RANBP2: variants seen among roughly 807,000 people sequenced by gnomAD.
The protein encoded by RANBP2 is E3 SUMO-protein ligase RanBP2.
In RANBP2, 57 loss-of-function variants were observed where a neutral mutation model predicts 303.6. The ratio of observed to expected loss-of-function variants is 0.19; its 90% CI spans 0.15 to 0.23. RANBP2 has a LOEUF of 0.23. Ranked by LOEUF, RANBP2 falls within the 10% of genes least tolerant of loss-of-function variation. The pLI is 1.00. For synonymous variants in RANBP2, 1,167 were observed against 1,301.5 expected, an observed-to-expected ratio of 0.90 and a Z score of 2.23; for missense variants, 3,138 against 3,780.8, an observed-to-expected ratio of 0.83 and a Z score of 4.46.
the RANBP2 span, among the ~76,000 whole-genome samples, chr2:109,261,049 A>G: frequency 6.6e-6 from 1 of 152,188 alleles, no homozygotes; most frequent in Non-Finnish European, 1.5e-5. Context: ...GGAGGTCAGT[A>G]GCATGAGCAC....
At chr2:108,966,342 C>G in the RANBP2 span, among the ~76,000 whole-genome samples, 2 of 152,210 alleles carry the variant, frequency 1.3e-5, no homozygotes, top group African/African-American at 2.4e-5. Context: ...TTTAGATTTA[C>G]TATGCTGAGA....
the RANBP2 span, among the ~76,000 whole-genome samples, chr2:109,390,244 A>T: frequency 1.2e-4 from 19 of 152,106 alleles, no homozygotes; most frequent in Admixed American, 1.0e-3. Flanking sequence ...TTGCCCATAA[A>T]CTACCAGTTT....
chr2:109,456,518 T>G, the RANBP2 span, among the ~76,000 whole-genome samples: 1 of 152,220 alleles, frequency 6.6e-6, no homozygotes, highest in Non-Finnish European at 1.5e-5. Context: ...GCACAGGCCC[T>G]CAGTGGGGCA....
At chr2:108,839,134 C>T in the RANBP2 span, 1 of 1,521,014 alleles carries the variant, frequency 6.6e-7, no homozygotes, top group South Asian at 1.3e-5. Flanking sequence ...TGATTTAAGA[C>T]ATTTAAAAAT....
the RANBP2 span, among the ~76,000 whole-genome samples, chr2:109,180,215 C>T: frequency 6.6e-6 from 1 of 152,244 alleles, no homozygotes; most frequent in East Asian, 1.9e-4. Flanking sequence ...CACTGCCCTC[C>T]ACTGGTATTC....
At chr2:109,483,262 C>A in the RANBP2 span, among the ~76,000 whole-genome samples, 1 of 152,228 alleles carries the variant, frequency 6.6e-6, no homozygotes, top group Non-Finnish European at 1.5e-5. Context: ...TAACTTGCAA[C>A]CCGAGAGCCA....
At chr2:109,365,679 C>T in the RANBP2 span, among the ~76,000 whole-genome samples, 2 of 152,128 alleles carry the variant, frequency 1.3e-5, no homozygotes, top group Non-Finnish European at 2.9e-5. Flanking sequence ...AACTAAAAGC[C>T]ACAGACACTG....
the RANBP2 span, among the ~76,000 whole-genome samples, chr2:109,119,262 C>G: frequency 1.3e-5 from 2 of 152,192 alleles, no homozygotes; most frequent in South Asian, 4.1e-4. Flanking sequence ...GGCACATTCA[C>G]AATCCATATC....
intron 6 of RANBP2, 26 bp from the exon 7 acceptor site, chr2:108,740,463 A>G (rs771037874): frequency 6.3e-7 from 1 of 1,597,354 alleles, no homozygotes; most frequent in Non-Finnish European, 8.5e-7. Flanking sequence ...AGTGTGTATT[A>G]TCTGTTTGAT....
chr2:109,469,952 G>A, the RANBP2 span, among the ~76,000 whole-genome samples: 17 of 152,150 alleles, frequency 1.1e-4, no homozygotes, highest in African/African-American at 2.9e-4. Flanking sequence ...CAGGACATGC[G>A]AGCTATAAGA....
chr2:108,990,449 AAAAAAAAAAT>A, the RANBP2 span, among the ~76,000 whole-genome samples: 1 of 150,952 alleles, frequency 6.6e-6, no homozygotes, highest in South Asian at 2.1e-4. Flanking sequence ...AAAAAAAAAA[AAAAAAAAAAT>A]ATACAAAAAT....
chr2:108,921,474 C>T, the RANBP2 span, among the ~76,000 whole-genome samples: 2 of 152,222 alleles, frequency 1.3e-5, no homozygotes, highest in African/African-American at 2.4e-5. Flanking sequence ...GGAAGAGGTG[C>T]TCTTGACCAC....
the RANBP2 span, among the ~76,000 whole-genome samples, chr2:109,671,821 G>C: frequency 6.6e-6 from 1 of 151,676 alleles, no homozygotes; most frequent in African/African-American, 2.4e-5. Context: ...TTTTGTTGAT[G>C]GTCTTGGACT....
chr2:109,195,669 C>T, the RANBP2 span, among the ~76,000 whole-genome samples: 1 of 152,184 alleles, frequency 6.6e-6, no homozygotes, highest in Non-Finnish European at 1.5e-5. Context: ...GAGAGCTCCG[C>T]GTTTGCATCT....
At chr2:109,354,294 G>A in the RANBP2 span, among the ~76,000 whole-genome samples, 40 of 152,330 alleles carry the variant, frequency 2.6e-4, no homozygotes, top group African/African-American at 9.4e-4. Context: ...TCACCCTGCA[G>A]GCCCAGAGGC....
At chr2:108,960,891 T>C in the RANBP2 span, among the ~76,000 whole-genome samples, 1 of 152,258 alleles carries the variant, frequency 6.6e-6, no homozygotes, top group South Asian at 2.1e-4. Flanking sequence ...CATGTGGATG[T>C]ACCAAGAGTA....
At chr2:108,913,792 T>C in the RANBP2 span, among the ~76,000 whole-genome samples, 1 of 151,690 alleles carries the variant, frequency 6.6e-6, no homozygotes, top group East Asian at 1.9e-4. Flanking sequence ...CTACTAAAAA[T>C]ACAAAAAATT....
chr2:109,629,235 TA>T, the RANBP2 span, among the ~76,000 whole-genome samples: 3 of 138,078 alleles, frequency 2.2e-5, no homozygotes, highest in Non-Finnish European at 3.1e-5. Flanking sequence ...AATAAATAAA[TA>T]AAATGCTTAA....
the RANBP2 span, chr2:108,873,322 T>G: frequency 1.8e-5 from 15 of 854,110 alleles, no homozygotes; most frequent in Non-Finnish European, 2.4e-5. Context: ...ACTCAAAAAT[T>G]TAAGTATGAA....
Sources: gnomAD v4.1 joint callset for allele counts (sites outside exome capture counted in the v4.1 genomes callset) on GRCh38, gnomAD v4.1.1 for gene constraint, MANE v1.5 for transcripts, NCBI Gene and HGNC (gene_info 2026-07-23, HGNC 2026-07-21) for gene names.